The following LMAN1 variants were observed in gnomAD, a reference collection of about 807,000 sequenced individuals.
LMAN1 encodes protein ERGIC-53.
In LMAN1, 32 loss-of-function variants were observed where a neutral mutation model predicts 67.8. The ratio of observed to expected loss-of-function variants is 0.47; its 90% confidence interval spans 0.36 to 0.63. The LOEUF (loss-of-function observed/expected upper bound fraction) is 0.63, where lower values mean the gene tolerates loss of function less well. LMAN1 is among the 30% of genes least tolerant of loss of function. The pLI, the probability that LMAN1 is intolerant of heterozygous loss-of-function variation, is 0.00. For synonymous variants in LMAN1, 235 were observed against 219.3 expected (o/e 1.07, Z -0.63); for missense variants, 632 against 628.2 (o/e 1.01, Z -0.06).
intron 5 of LMAN1, among the ~76,000 whole-genome samples, chr18:59,350,116 C>T (rs1908508321): frequency 6.6e-6 from 1 of 152,146 alleles, no homozygotes; most frequent in South Asian, 2.1e-4. Context: ...TCCAAATTTT[C>T]AGCAAGAGAA....
chr18:59,330,789 G>C lies in LMAN1; in HGVS notation c.*304C>G, dbSNP rs998254672. On this transcript the variant is annotated 3_prime_UTR_variant, in exon 13 of 13. Coordinates refer to ENST00000251047, the MANE Select transcript of LMAN1 (RefSeq NM_005570.4). ...ACCTGCAATATTGGAGACTTAGGGGGTAACATTCATATCCAGGGGTTGCCC... is the reference window on the plus strand; with the variant it reads ...ACCTGCAATATTGGAGACTTAGGGGCTAACATTCATATCCAGGGGTTGCCC... 1.1e-5 allele frequency: 4 copies of C among 348,310 alleles called. No homozygotes were observed. Among genetic ancestry groups the C allele is most frequent in the Non-Finnish European group, 2.1e-5 (4 of 190,804 alleles). The allele number at this position is 348,310 out of a possible 1,614,324, so 21.6% of individuals were successfully genotyped here. A position where few individuals can be genotyped will look rare whatever the true frequency, so the allele number is the denominator to read the frequency against.
chr18:59,347,320 C>CA lies in LMAN1; in HGVS notation c.822+192dup, dbSNP rs58932497. Among the ~76,000 whole-genome samples, 8 of 70,346 alleles carry CA rather than the reference C, an allele frequency of 1.1e-4. 1 individual carries two copies. The highest frequency in any genetic ancestry group is 1.7e-4 in the Non-Finnish European group (7 of 40,136). 46.1% of individuals were successfully genotyped at this position (70,346 alleles called of 152,430 possible). On this transcript the variant is annotated intron_variant, in intron 7 of 12. Transcript: ENST00000251047. Reference sequence around the variant, plus strand: ...TGGGAGACAGAGCGAGACTCCGTCTCAAAAAAAAAAAAAAAAAAAAAAAAA... The same window carrying CA: ...TGGGAGACAGAGCGAGACTCCGTCTCAAAAAAAAAAAAAAAAAAAAAAAAAA...
intron 8 of LMAN1, 63 bp from the exon 9 acceptor site, chr18:59,339,016 G>GT (rs755441773): frequency 3.4e-5 from 49 of 1,443,632 alleles, no homozygotes; most frequent in Middle Eastern, 1.7e-4. Context: ...TTGAAATAAC[G>GT]TAAGTGACCA....
chr18:59,355,204 G>A (rs1479052129), intron 3 of LMAN1, 109 bp downstream of exon 3: 1 of 826,290 alleles, frequency 1.2e-6, no homozygotes, highest in East Asian at 2.7e-5. Context: ...AGCTTGGGGA[G>A]TTCTGTACTA....
At chr18:59,340,278 A>T (rs1185594208) in intron 8 of LMAN1, among the ~76,000 whole-genome samples, 1 of 152,226 alleles carries the variant, frequency 6.6e-6, no homozygotes, top group Non-Finnish European at 1.5e-5. Context: ...GTCCAGATAC[A>T]GGAGGCCCAG....
At position 59,331,016 on chromosome 18, in the gene LMAN1, G is replaced by A. The variant is rs927582453; in HGVS notation, c.*77C>T. The A allele has an allele frequency of 3.2e-6, 3 of 928,656 alleles. No homozygotes were observed. Among genetic ancestry groups the A allele is most frequent in the Admixed American group, 2.0e-5 (1 of 50,770 alleles). 57.5% of individuals were successfully genotyped at this position (928,656 alleles called of 1,614,324 possible). A position where few individuals can be genotyped will look rare whatever the true frequency, so the allele number is the denominator to read the frequency against. ...GAAAATTAATAATTTAGACTATGAA[G>A]CAATTTAAATACTTAAATTCCCTCA... On this transcript the variant is annotated 3_prime_UTR_variant, in exon 13 of 13. Coordinates refer to ENST00000251047, the MANE Select transcript of LMAN1 (RefSeq NM_005570.4).
chr18:59,358,169 C>T (rs1317857259), intron 1 of LMAN1, among the ~76,000 whole-genome samples: 3 of 152,148 alleles, frequency 2.0e-5, no homozygotes, highest in Non-Finnish European at 4.4e-5. Context: ...GATATGTTTT[C>T]TTTCACGTAA....
intron 10 of LMAN1, among the ~76,000 whole-genome samples, chr18:59,335,707 C>G (rs1315511482): frequency 6.6e-6 from 1 of 152,082 alleles, no homozygotes; most frequent in Non-Finnish European, 1.5e-5. Flanking sequence ...AACAAAGAAT[C>G]TAGCTGGATC....
chr18:59,338,935 C>T lies in LMAN1; in HGVS notation c.974G>A (p.Ser325Asn), dbSNP rs759874816. The stretch of plus-strand genomic sequence containing the variant: ...TTGTCTTAGCTCTCGATCTCCTACA[C>T]TCTCAAATATTTCCTCCGCTGAAAA... Reference protein sequence around the residue: ...QGQPAEEIFESVGDRELRQVF... With the variant: ...QGQPAEEIFENVGDRELRQVF... The change falls in exon 9 of 13, where the codon AGT (serine) becomes AAT (asparagine). Residue 325 changes from serine (S) to asparagine (N), a missense_variant. Ser to Asn is a conservative substitution (Grantham distance 46). Transcript: ENST00000251047. The T allele has an allele frequency of 5.6e-6, 9 of 1,612,552 alleles. No homozygotes were observed. The highest frequency in any genetic ancestry group is 7.6e-6 in the Non-Finnish European group (9 of 1,179,560).
intron 1 of LMAN1, among the ~76,000 whole-genome samples, chr18:59,358,023 G>T (rs1395068943): frequency 1.3e-5 from 2 of 150,458 alleles, no homozygotes; most frequent in African/African-American, 2.4e-5. Flanking sequence ...AACTGCCAGA[G>T]CTCCTCATCT....
At chr18:59,333,553 A>G (rs1908076050) in intron 10 of LMAN1, 1 of 303,434 alleles carries the variant, frequency 3.3e-6, no homozygotes, top group East Asian at 8.8e-5. Flanking sequence ...TAATGAAGTT[A>G]TAATAAATCT....
chr18:59,352,567 T>C (rs553914368), intron 5 of LMAN1: 1 of 154,778 alleles, frequency 6.5e-6, no homozygotes, highest in Admixed American at 6.3e-5. Flanking sequence ...TTCCAAAATA[T>C]TTCAAGCTCT....
chr18:59,335,815 A>G (rs1389336959), intron 10 of LMAN1, among the ~76,000 whole-genome samples: 1 of 152,238 alleles, frequency 6.6e-6, no homozygotes, highest in African/African-American at 2.4e-5. Flanking sequence ...GATACTGTAA[A>G]GCTAGAGATA....
intron 1 of LMAN1, 38 bp downstream of exon 1, chr18:59,358,993 G>A (rs2277727): frequency 1.9e-6 from 3 of 1,594,752 alleles, no homozygotes; most frequent in East Asian, 2.2e-5. Flanking sequence ...GCAGAAGGGG[G>A]AGAGGAACCC....
At chr18:59,353,842 A>T (rs1288797490) in intron 4 of LMAN1, among the ~76,000 whole-genome samples, 1 of 152,172 alleles carries the variant, frequency 6.6e-6, no homozygotes, top group Non-Finnish European at 1.5e-5. Context: ...CCTTATATAA[A>T]ATGGCACAGT....
At position 59,354,499 on chromosome 18, in the gene LMAN1, T is replaced by C. The variant is rs1451281443; in HGVS notation, c.539+20A>G. ...AAAAAGAAGCTGAAATCAGGAGTAATGTAAAAAACACACACTTACTTTTGA... is the reference window on the plus strand; with the variant it reads ...AAAAAGAAGCTGAAATCAGGAGTAACGTAAAAAACACACACTTACTTTTGA... On this transcript the variant is annotated intron_variant, in intron 4 of 12. Coordinates refer to ENST00000251047, the MANE Select transcript of LMAN1 (RefSeq NM_005570.4). 2 of 1,351,428 alleles carry C rather than the reference T, an allele frequency of 1.5e-6. No individual in the cohort carries two copies. The highest frequency in any genetic ancestry group is 2.1e-6 in the Non-Finnish European group (2 of 941,910). The allele number at this position is 1,351,428 out of a possible 1,614,324, so 83.7% of individuals were successfully genotyped here.
In LMAN1 at chr18:59,327,929, G is replaced by A. The variant is rs1364541803; in HGVS notation, c.*3164C>T. 1 of 151,880 alleles carries A rather than the reference G, an allele frequency of 6.6e-6. No individual in the cohort carries two copies. The highest frequency in any genetic ancestry group is 1.5e-5 in the Non-Finnish European group (1 of 67,978). 9.4% of individuals were successfully genotyped at this position (151,880 alleles called of 1,614,324 possible). On this transcript the variant is annotated 3_prime_UTR_variant, in exon 13 of 13. Transcript: ENST00000251047. The stretch of plus-strand genomic sequence containing the variant: ...AAACTTGACAAAATGTTATCCAATT[G>A]AAATTGACAGTGGATAGAAAACCCT...
chr18:59,341,487 G>T (rs1908285128), intron 8 of LMAN1, among the ~76,000 whole-genome samples: 1 of 152,042 alleles, frequency 6.6e-6, no homozygotes, highest in Non-Finnish European at 1.5e-5. Flanking sequence ...TTGAAAATCA[G>T]AATCATATCA....
intron 7 of LMAN1, among the ~76,000 whole-genome samples, chr18:59,347,179 C>T (rs1908430371): frequency 1.3e-5 from 2 of 151,402 alleles, no homozygotes; most frequent in Admixed American, 1.3e-4. Flanking sequence ...CGCAACCTCT[C>T]GCTCCCAGGT....
Sources: allele counts gnomAD v4.1 joint callset (sites outside exome capture counted in the v4.1 genomes callset), GRCh38; gene constraint gnomAD v4.1.1; transcripts MANE v1.5; gene names NCBI Gene and HGNC (gene_info 2026-07-23, HGNC 2026-07-21).